The following FLT4 variants were observed in gnomAD, a reference collection of about 807,000 sequenced individuals.
FLT4 encodes fms related receptor tyrosine kinase 4.
A neutral mutation model predicts 163.2 loss-of-function variants in FLT4; 30 were observed. The observed-to-expected ratio is 0.18, with a 90% CI of 0.14 to 0.25. The LOEUF (loss-of-function observed/expected upper bound fraction) is 0.25, where lower values mean the gene tolerates loss of function less well. FLT4 is among the 10% of genes least tolerant of loss of function. The pLI, the probability that FLT4 is intolerant of heterozygous loss-of-function variation, is 1.00. For missense variants in FLT4, 1,510 were observed against 1,863.8 expected (o/e 0.81, Z 3.50); for synonymous variants, 884 against 789.5 (o/e 1.12, Z -2.01).
In FLT4 at chr5:180,605,934, C is replaced by T. The variant is rs138234320; in HGVS notation, c.3894-2544G>A. ...AGTGAGGAGGTGAACCCCCATGGGG[C>T]GAGTGCCGACCAGTGGTTAACAGGA... On this transcript the variant is annotated intron_variant, in intron 29 of 29. Coordinates refer to ENST00000261937, the MANE Select transcript of FLT4 (RefSeq NM_182925.5). 2.0e-3 allele frequency among the ~76,000 whole-genome samples: 308 copies of T among 152,286 alleles called. 1 individual carries two copies. The highest frequency in any genetic ancestry group is 7.1e-3 in the African/African-American group (294 of 41,562).
intron 27 of FLT4, among the ~76,000 whole-genome samples, 159 bp downstream of exon 27, chr5:180,611,172 C>T (rs1002353780): frequency 2.6e-5 from 4 of 152,236 alleles, no homozygotes; most frequent in Non-Finnish European, 5.9e-5. Context: ...TGGAAGGACC[C>T]TGCAGTGGGT....
At position 180,602,647 on chromosome 5, in the gene FLT4, G is replaced by A. The variant is rs1224849610; in HGVS notation, c.*545C>T. ...TTGGTCAGGCCCAGAAGAGGACCCT[G>A]CAAATGCCTTCTTTGAGATGGAAAC... On this transcript the variant is annotated 3_prime_UTR_variant, in exon 30 of 30. Transcript: ENST00000261937. The A allele has an allele frequency of 2.4e-6, 1 of 411,746 alleles. No homozygotes were observed. Among genetic ancestry groups the A allele is most frequent in the Admixed American group, 4.0e-5 (1 of 25,200 alleles). The allele number at this position is 411,746 out of a possible 1,614,324, so 25.5% of individuals were successfully genotyped here. A position where few individuals can be genotyped will look rare whatever the true frequency, so the allele number is the denominator to read the frequency against.
At position 180,608,977 on chromosome 5, in the gene FLT4, C is replaced by T. The variant is rs778249085; in HGVS notation, c.3884G>A (p.Ser1295Asn). The change falls in exon 29 of 30, where the codon AGC becomes AAC. Residue 1295 changes from serine to asparagine, a missense_variant. Ser to Asn is a conservative substitution (Grantham distance 46). This residue lies in a region of FLT4 where 295 missense variants were observed against 311.0 expected (regional missense o/e 0.95). Coordinates refer to ENST00000261937, the MANE Select transcript of FLT4 (RefSeq NM_182925.5). ...EQIESRHRQE[S>N]GFSCKGPGQN... ...CTCACGAAGCCCTTACCTGAAGCCG[C>T]TTTCTTGTCTATGCCTGCTCTCTAT... is the stretch of plus-strand genomic sequence containing the variant. The T allele has an allele frequency of 6.2e-7, 1 of 1,614,100 alleles. No individual in the cohort carries two copies. Among genetic ancestry groups the T allele is most frequent in the Non-Finnish European group, 8.5e-7 (1 of 1,179,930 alleles).
At chr5:180,622,222 T>G (rs2127818826) in intron 12 of FLT4, among the ~76,000 whole-genome samples, 1 of 152,166 alleles carries the variant, frequency 6.6e-6, no homozygotes, top group South Asian at 2.1e-4. Flanking sequence ...CTGGTCAGGC[T>G]CCTGTGGCCC....
At chr5:180,606,901 A>AC (rs1314827689) in intron 29 of FLT4, among the ~76,000 whole-genome samples, 11 of 99,992 alleles carry the variant, frequency 1.1e-4, no homozygotes, top group East Asian at 2.5e-4. Flanking sequence ...ACTAAAAAAA[A>AC]AAAAAAAAAA....
chr5:180,610,470 C>A (rs1462490640), intron 27 of FLT4, among the ~76,000 whole-genome samples: 1 of 152,262 alleles, frequency 6.6e-6, no homozygotes, highest in Non-Finnish European at 1.5e-5. Context: ...CCAGGCCTAG[C>A]CCTGCCGTAT....
chr5:180,609,803 G>A (rs1037162634), intron 28 of FLT4, 102 bp downstream of exon 28: 10 of 1,429,600 alleles, frequency 7.0e-6, no homozygotes, highest in African/African-American at 4.2e-5. Context: ...AAGGACAGTC[G>A]TTGGGTTCTG....
rs143196529 is a variant in FLT4, at chr5:180,608,676, T to A, written c.3893+292A>T. ...AACCTGGAGGAGAGTGTGTGTGCCCTGGGCATGGTGGGTTACGTGTGGTGT... is the reference window on the plus strand; with the variant it reads ...AACCTGGAGGAGAGTGTGTGTGCCCAGGGCATGGTGGGTTACGTGTGGTGT... On this transcript the variant is annotated intron_variant, in intron 29 of 29. Coordinates refer to ENST00000261937, the MANE Select transcript of FLT4 (RefSeq NM_182925.5). 2.2e-4 allele frequency among the ~76,000 whole-genome samples: 33 copies of A among 152,194 alleles called. No individual in the cohort carries two copies. In the East Asian group the frequency reaches 5.2e-3, roughly 24 times the overall value.
chr5:180,621,288 T>C (rs112411817), intron 13 of FLT4, 36 bp from the exon 14 acceptor site: 1 of 1,596,964 alleles, frequency 6.3e-7, no homozygotes, highest in Non-Finnish European at 8.6e-7. Flanking sequence ...TAAGTGGAGC[T>C]GCACTTAGCA....
chr5:180,625,365 G>T (rs1362071988), intron 10 of FLT4, among the ~76,000 whole-genome samples: 1 of 152,182 alleles, frequency 6.6e-6, no homozygotes, highest in African/African-American at 2.4e-5. Context: ...TGGGAAAGCC[G>T]CCTCCCTTCT....
rs1337207985 is a variant in FLT4 at position 180,601,882 on chromosome 5, C to T, written c.*1310G>A. The T allele has an allele frequency of 4.3e-6, 1 of 233,418 alleles. No individual in the cohort carries two copies. The highest frequency in any genetic ancestry group is 8.5e-6 in the Non-Finnish European group (1 of 118,240). The allele number at this position is 233,418 out of a possible 1,614,324, so 14.5% of individuals were successfully genotyped here. A position where few individuals can be genotyped will look rare whatever the true frequency, so the allele number is the denominator to read the frequency against. On this transcript the variant is annotated 3_prime_UTR_variant, in exon 30 of 30. Transcript: ENST00000261937. ...CAAGCCCCTGCCCGCTGCGCGGCGCCTGTCCTGCAAGCGTCTGGTGCGTGG... is the reference window on the plus strand; with the variant it reads ...CAAGCCCCTGCCCGCTGCGCGGCGCTTGTCCTGCAAGCGTCTGGTGCGTGG...
At chr5:180,640,650 C>T (rs944015554) in intron 1 of FLT4, among the ~76,000 whole-genome samples, 4 of 152,222 alleles carry the variant, frequency 2.6e-5, no homozygotes, top group African/African-American at 7.2e-5. Context: ...TTCCTGAAAA[C>T]GGAGGGAAAA....
In FLT4 at chr5:180,629,432, C is replaced by A. The variant is rs776020680; in HGVS notation, c.817-5G>T. ...CACCCACTTACCCCGCTCTGCCTGC[C>A]CGCACCCAGGGAAGCCCCGCGTCAG... On this transcript the variant is annotated splice_region_variant and splice_polypyrimidine_tract_variant and intron_variant, in intron 6 of 29. Coordinates refer to ENST00000261937, the MANE Select transcript of FLT4 (RefSeq NM_182925.5). 1 of 1,610,506 alleles carries A rather than the reference C, an allele frequency of 6.2e-7. No homozygotes were observed. The highest frequency in any genetic ancestry group is 1.3e-5 in the African/African-American group (1 of 74,878).
At chr5:180,638,057 G>A (rs1478309144) in intron 1 of FLT4, among the ~76,000 whole-genome samples, 3 of 152,208 alleles carry the variant, frequency 2.0e-5, no homozygotes, top group East Asian at 1.9e-4. Flanking sequence ...ATAGGGAGCC[G>A]CGCATGCTCT....
At chr5:180,644,709 C>G (rs555085753) in intron 1 of FLT4, among the ~76,000 whole-genome samples, 3 of 152,260 alleles carry the variant, frequency 2.0e-5, no homozygotes, top group South Asian at 4.1e-4. Context: ...CCATTTCACA[C>G]GGAGGTGTGG....
intron 29 of FLT4, among the ~76,000 whole-genome samples, chr5:180,607,593 A>G (rs1761870484): frequency 6.6e-6 from 1 of 151,390 alleles, no homozygotes; most frequent in Admixed American, 6.6e-5. Context: ...GCGAGCAGAG[A>G]TCGCACCACT....
At chr5:180,606,563 C>T (rs368020718) in intron 29 of FLT4, among the ~76,000 whole-genome samples, 3 of 152,232 alleles carry the variant, frequency 2.0e-5, no homozygotes, top group East Asian at 3.8e-4. Flanking sequence ...GCTGAGCGGC[C>T]TTCTTTGATC....
At chr5:180,621,054 G>A (rs778740732) in intron 14 of FLT4, 47 bp from the exon 15 acceptor site, 12 of 1,611,954 alleles carry the variant, frequency 7.4e-6, no homozygotes, top group Admixed American at 1.7e-5. Context: ...GTTTGGGATC[G>A]TCGGCCTCGC....
At position 180,616,508 on chromosome 5, in the gene FLT4, G is replaced by T. The variant is rs779959692; in HGVS notation, c.3097-19C>A. The stretch of plus-strand genomic sequence containing the variant: ...GGATGCACTGGGGTGCGGGGAGGCG[G>T]CAGGGGGGCTGTCAGTGCAGGCCCC... On this transcript the variant is annotated intron_variant, in intron 22 of 29. Transcript: ENST00000261937. The T allele has an allele frequency of 1.2e-6, 2 of 1,613,140 alleles. No homozygotes were observed. Among genetic ancestry groups the T allele is most frequent in the African/African-American group, 2.7e-5 (2 of 74,934 alleles).
Sources: allele counts gnomAD v4.1 joint callset (sites outside exome capture counted in the v4.1 genomes callset), GRCh38; gene constraint gnomAD v4.1.1; regional missense constraint gnomAD v4.1.1; transcripts MANE v1.5; gene names NCBI Gene and HGNC (gene_info 2026-07-23, HGNC 2026-07-21).